MYLK: variants seen among roughly 807,000 people sequenced by gnomAD.
MYLK encodes myosin light chain kinase, smooth muscle.
In MYLK, 106 loss-of-function variants were observed where a neutral mutation model predicts 203.4. The ratio of observed to expected loss-of-function variants is 0.52; its 90% CI spans 0.45 to 0.61. MYLK has a LOEUF of 0.61. MYLK is among the 20% of genes least tolerant of loss of function. MYLK has a pLI of 0.00. For synonymous variants in MYLK, 867 were observed against 959.5 expected (o/e 0.90, Z 1.78); for missense variants, 2,072 against 2,442.3 (o/e 0.85, Z 3.20).
intron 5 of MYLK, among the ~76,000 whole-genome samples, chr3:123,749,074 AATAC>A (rs60797453): frequency 0.047 from 6,645 of 142,282 alleles, 397 homozygotes; most frequent in African/African-American, 0.14. Flanking sequence ...GTCTCAGAAA[AATAC>A]ATACATACAT....
At chr3:123,817,707 T>C (rs2065795473) in intron 3 of MYLK, among the ~76,000 whole-genome samples, 4 of 151,954 alleles carry the variant, frequency 2.6e-5, no homozygotes, top group Admixed American at 2.6e-4. Flanking sequence ...ATGAGGCTGG[T>C]GATTACAGGC....
chr3:123,780,033 C>A (rs141285786), intron 4 of MYLK, among the ~76,000 whole-genome samples: 1 of 152,184 alleles, frequency 6.6e-6, no homozygotes, highest in Non-Finnish European at 1.5e-5. Flanking sequence ...GTTTACTGAA[C>A]GAACCTGCAA....
rs865359 is a variant in MYLK at position 123,721,634 on chromosome 3, G to C, written c.1804+494C>G. On this transcript the variant is annotated intron_variant, in intron 13 of 33. Coordinates refer to ENST00000360304, the MANE Select transcript of MYLK (RefSeq NM_053025.4). Reference sequence around the variant, plus strand: ...ACCCTCTGGAAGCCTCAGTGTGCACGCTGTGACCCAGGGTCCCCCAGCATG... The same window carrying C: ...ACCCTCTGGAAGCCTCAGTGTGCACCCTGTGACCCAGGGTCCCCCAGCATG... Among the ~76,000 whole-genome samples the C allele has an allele frequency of 6.6e-5, 10 of 151,778 alleles. No homozygotes were observed. The East Asian group carries it at 1.6e-3, about 24-fold the overall frequency.
At chr3:123,732,839 A>T (rs1226160392) in intron 11 of MYLK, 57 bp downstream of exon 11, 4 of 1,539,984 alleles carry the variant, frequency 2.6e-6, no homozygotes, top group Non-Finnish European at 3.6e-6. Flanking sequence ...AAGGTGAAGC[A>T]CCCCATGAAT....
intron 20 of MYLK, among the ~76,000 whole-genome samples, chr3:123,674,530 C>T (rs1427042026): frequency 6.6e-6 from 1 of 152,214 alleles, no homozygotes; most frequent in African/African-American, 2.4e-5. Context: ...CAAGAGGGAA[C>T]AACTTTCATC....
intron 24 of MYLK, among the ~76,000 whole-genome samples, chr3:123,656,857 C>G (rs1227322118): frequency 1.3e-5 from 2 of 152,192 alleles, no homozygotes; most frequent in Non-Finnish European, 2.9e-5. Flanking sequence ...CGCTTGAACT[C>G]CTATGCTCCT....
chr3:123,851,587 T>C (rs2148667799), intron 2 of MYLK, among the ~76,000 whole-genome samples: 1 of 152,374 alleles, frequency 6.6e-6, no homozygotes, highest in South Asian at 2.1e-4. Context: ...TTTTTGCACA[T>C]TGATTTTGTA....
At chr3:123,880,063 C>T (rs2033430140) in intron 1 of MYLK, among the ~76,000 whole-genome samples, 1 of 152,140 alleles carries the variant, frequency 6.6e-6, no homozygotes, top group Admixed American at 6.5e-5. Context: ...GAACACTGCC[C>T]GGTATATATA....
chr3:123,631,259 A>G (rs901709406), intron 29 of MYLK, among the ~76,000 whole-genome samples: 8 of 152,106 alleles, frequency 5.3e-5, no homozygotes, highest in African/African-American at 1.9e-4. Flanking sequence ...TTAGCTGGGC[A>G]TGGTGGCAAG....
intron 18 of MYLK, among the ~76,000 whole-genome samples, chr3:123,698,068 G>A (rs2061005258): frequency 6.6e-6 from 1 of 152,166 alleles, no homozygotes; most frequent in Non-Finnish European, 1.5e-5. Context: ...ACATCGCTTA[G>A]TTGAGTGAAT....
At chr3:123,876,429 G>T (rs1199247396) in intron 2 of MYLK, 130 bp downstream of exon 2, 1 of 152,008 alleles carries the variant, frequency 6.6e-6, no homozygotes, top group African/African-American at 2.4e-5. Flanking sequence ...TTGTAATTTA[G>T]AAACTTTTCT....
chr3:123,871,071 G>T (rs1214216994), intron 2 of MYLK, among the ~76,000 whole-genome samples: 7 of 151,726 alleles, frequency 4.6e-5, no homozygotes, highest in Non-Finnish European at 8.8e-5. Context: ...CCTTCCCATT[G>T]GTCCCACCCC....
chr3:123,753,381 G>T (rs1025919954), intron 4 of MYLK, among the ~76,000 whole-genome samples: 5 of 152,018 alleles, frequency 3.3e-5, no homozygotes, highest in African/African-American at 1.2e-4. Flanking sequence ...TGCTGCTCTA[G>T]ACCACTTGCC....
At chr3:123,846,781 A>G (rs775844696) in intron 2 of MYLK, among the ~76,000 whole-genome samples, 14 of 151,896 alleles carry the variant, frequency 9.2e-5, no homozygotes, top group African/African-American at 3.4e-4. Flanking sequence ...TTTATTAAGG[A>G]TCTCTTTTTT....
chr3:123,677,976 C>T (rs1258183212), intron 20 of MYLK, among the ~76,000 whole-genome samples: 2 of 144,902 alleles, frequency 1.4e-5, no homozygotes, highest in African/African-American at 5.1e-5. Flanking sequence ...GGTGTAGTGG[C>T]CAGAATGCAG....
rs989153712 is a variant in MYLK, at chr3:123,787,894, G to C, written c.165+5783C>G. Among the ~76,000 whole-genome samples, 5 of 152,156 alleles carry C rather than the reference G, an allele frequency of 3.3e-5. No homozygotes were observed. In the East Asian group the frequency reaches 9.6e-4, roughly 29 times the overall value. On this transcript the variant is annotated intron_variant, in intron 4 of 33. Coordinates refer to ENST00000360304, the MANE Select transcript of MYLK (RefSeq NM_053025.4). The stretch of plus-strand genomic sequence containing the variant: ...CCCTTTCTCCACAAAGTTGGGGCTA[G>C]AGCAAAGGATTTGCACTGTGCCTGT...
At chr3:123,786,771 AT>A (rs757521082) in intron 4 of MYLK, among the ~76,000 whole-genome samples, 6 of 152,092 alleles carry the variant, frequency 3.9e-5, no homozygotes, top group Non-Finnish European at 5.9e-5. Context: ...ATAAATATAT[AT>A]TTCCTACTAT....
chr3:123,730,548 C>A (rs1031212232), intron 11 of MYLK, among the ~76,000 whole-genome samples: 2 of 152,204 alleles, frequency 1.3e-5, no homozygotes, highest in Non-Finnish European at 2.9e-5. Flanking sequence ...ATGCTATACC[C>A]ATACAATGCA....
At chr3:123,878,965 C>A (rs1195509830) in intron 1 of MYLK, among the ~76,000 whole-genome samples, 1 of 152,174 alleles carries the variant, frequency 6.6e-6, no homozygotes, top group Non-Finnish European at 1.5e-5. Context: ...GGATTACAAG[C>A]GTGAACCACG....
Sources: allele counts gnomAD v4.1 joint callset (sites outside exome capture counted in the v4.1 genomes callset), GRCh38; gene constraint gnomAD v4.1.1; transcripts MANE v1.5; gene names NCBI Gene and HGNC (gene_info 2026-07-23, HGNC 2026-07-21).